Variants in DZANK1 observed in about 807,000 individuals in gnomAD.
DZANK1 encodes double zinc ribbon and ankyrin repeat-containing protein 1.
DZANK1 carries 91 observed loss-of-function variants against 94.5 expected under a neutral mutation model. The observed-to-expected ratio is 0.96, with a 90% CI of 0.81 to 1.15. The LOEUF is 1.15. Ranked by LOEUF, DZANK1 falls within the 50% of genes most tolerant of loss-of-function variation. The probability of loss-of-function intolerance (pLI) is 0.00; values close to 1 mark genes in which losing one functional copy is unlikely to be tolerated. For missense variants in DZANK1, 903 were observed against 916.4 expected, an observed-to-expected ratio of 0.99 and a Z score of 0.19; for synonymous variants, 312 against 325.3, an observed-to-expected ratio of 0.96 and a Z score of 0.44.
intron 8 of DZANK1, among the ~76,000 whole-genome samples, chr20:18,434,607 C>T (rs529699798): frequency 1.3e-5 from 2 of 149,168 alleles, no homozygotes; most frequent in Admixed American, 6.6e-5. Context: ...AAAGCAACCA[C>T]TTCAGCACCC....
intron 10 of DZANK1, among the ~76,000 whole-genome samples, chr20:18,418,252 G>A (rs1441816757): frequency 2.0e-5 from 3 of 152,088 alleles, no homozygotes; most frequent in East Asian, 1.9e-4. Flanking sequence ...CATGTGAAGC[G>A]GTGGGCACAA....
At chr20:18,452,873 T>C (rs1439797160) in intron 5 of DZANK1, 134 bp from the exon 6 acceptor site, 38 of 893,976 alleles carry the variant, frequency 4.3e-5, no homozygotes, top group Admixed American at 2.9e-4. Context: ...GTAACAATTA[T>C]ATAAAGAGCT....
exon 14 of DZANK1, chr20:18,398,565 G>T: frequency 1.2e-6 from 2 of 1,613,986 alleles, no homozygotes; most frequent in Non-Finnish European, 1.7e-6. Flanking sequence ...GGAATTCAGG[G>T]TTGTTCTGAG....
intron 6 of DZANK1, among the ~76,000 whole-genome samples, chr20:18,449,622 G>T (rs1471420276): frequency 6.6e-6 from 1 of 151,758 alleles, no homozygotes; most frequent in Non-Finnish European, 1.5e-5. Context: ...GCTGGGTGTG[G>T]TGGCGGGTGC....
intron 13 of DZANK1, among the ~76,000 whole-genome samples, chr20:18,400,977 C>A (rs1600771685): frequency 6.6e-6 from 1 of 152,170 alleles, no homozygotes; most frequent in East Asian, 1.9e-4. Flanking sequence ...GCTCTTGTCA[C>A]CCAGGCTGGA....
rs73902455 is a variant in DZANK1, at chr20:18,400,161, C to T, written c.1433-1535G>A. ...CCTAAGTGTTCTTACTTGGGTTCCC[C>T]TGAAAGCAGAACCTGAGATAAAGAC... On this transcript the variant is annotated intron_variant, in intron 13 of 20. Transcript: ENST00000262547. Among the ~76,000 whole-genome samples the T allele has an allele frequency of 7.3e-3, 1,116 of 152,284 alleles. 14 individuals are homozygous for T. Among genetic ancestry groups the T allele is most frequent in the African/African-American group, 0.026 (1,079 of 41,532 alleles).
chr20:18,405,216 A>G (rs1365139014), intron 13 of DZANK1, among the ~76,000 whole-genome samples: 2 of 152,198 alleles, frequency 1.3e-5, no homozygotes, highest in Non-Finnish European at 2.9e-5. Flanking sequence ...AAAATAAAAA[A>G]AGAAGGAAGA....
intron 15 of DZANK1, chr20:18,394,960 G>T (rs567056226): frequency 7.4e-5 from 33 of 446,084 alleles, no homozygotes; most frequent in African/African-American, 6.0e-4. Flanking sequence ...AGAAGTCTGT[G>T]TGCACCCGGA....
At chr20:18,439,971 G>A (rs1335094598) in intron 8 of DZANK1, among the ~76,000 whole-genome samples, 2 of 152,038 alleles carry the variant, frequency 1.3e-5, no homozygotes, top group Admixed American at 6.6e-5. Flanking sequence ...AGGTAATTAA[G>A]GTTAAATGAG....
intron 6 of DZANK1, among the ~76,000 whole-genome samples, chr20:18,450,093 T>C (rs1359892164): frequency 6.0e-4 from 72 of 119,352 alleles, no homozygotes; most frequent in Admixed American, 8.8e-4. Flanking sequence ...AATAAATAAA[T>C]AAATAAATAA....
chr20:18,414,317 G>A (rs1453388060), intron 12 of DZANK1, 31 bp downstream of exon 12: 4 of 1,611,358 alleles, frequency 2.5e-6, no homozygotes, highest in Non-Finnish European at 3.4e-6. Flanking sequence ...CTCTTCCTGG[G>A]TACCAGTTCT....
At chr20:18,384,930 A>G (rs2048391020) in intron 20 of DZANK1, 86 bp downstream of exon 20, 1 of 1,338,958 alleles carries the variant, frequency 7.5e-7, no homozygotes, top group African/African-American at 1.5e-5. Flanking sequence ...CAGTTCAGGA[A>G]CCAAGGCCCC....
intron 13 of DZANK1, among the ~76,000 whole-genome samples, chr20:18,400,151 T>C (rs2056592751): frequency 6.6e-6 from 1 of 152,214 alleles, no homozygotes; most frequent in African/African-American, 2.4e-5. Context: ...GTGTTCTTAC[T>C]TGGGTTCCCC....
At chr20:18,413,827 G>A (rs1600853002) in intron 12 of DZANK1, among the ~76,000 whole-genome samples, 1 of 152,038 alleles carries the variant, frequency 6.6e-6, no homozygotes, top group Admixed American at 6.6e-5. Flanking sequence ...AAAGTGCTGA[G>A]TGTATCCTCT....
chr20:18,451,999 T>A (rs747977386), intron 6 of DZANK1: 1 of 508,978 alleles, frequency 2.0e-6, no homozygotes, highest in Non-Finnish European at 3.9e-6. Context: ...AGAATAGAAT[T>A]CAAACTTCTT....
At chr20:18,418,853 A>G (rs184779212) in intron 10 of DZANK1, among the ~76,000 whole-genome samples, 2 of 152,382 alleles carry the variant, frequency 1.3e-5, no homozygotes, top group Admixed American at 1.3e-4. Flanking sequence ...AATATTTAAA[A>G]TAAAATATTT....
rs140689830 is a variant in DZANK1 at position 18,445,251 on chromosome 20, C to T, written c.630-1787G>A. 2.4e-3 allele frequency among the ~76,000 whole-genome samples: 366 copies of T among 152,228 alleles called. 5 individuals carry two copies. The highest frequency in any genetic ancestry group is 0.02 in the Admixed American group (308 of 15,280). The stretch of plus-strand genomic sequence containing the variant: ...TTAACAGAGTTAAAGAAGTTTATTT[C>T]ATAATGATAAAAGGGTCAACTTAGC... On this transcript the variant is annotated intron_variant, in intron 7 of 20. Transcript: ENST00000262547.
chr20:18,415,298 A>G (rs1343385545), intron 11 of DZANK1, 29 bp downstream of exon 11: 21 of 1,504,612 alleles, frequency 1.4e-5, no homozygotes, highest in Non-Finnish European at 1.9e-5. Context: ...GGTGCTCAGT[A>G]TACAGAATCT....
intron 13 of DZANK1, among the ~76,000 whole-genome samples, chr20:18,400,938 A>G (rs530198084): frequency 6.6e-6 from 1 of 152,092 alleles, no homozygotes; most frequent in East Asian, 1.9e-4. Flanking sequence ...CAATAGATCT[A>G]TACTTCTTTT....
Sources: allele counts gnomAD v4.1 joint callset (sites outside exome capture counted in the v4.1 genomes callset), GRCh38; gene constraint gnomAD v4.1.1; transcripts MANE v1.5; gene names NCBI Gene and HGNC (gene_info 2026-07-23, HGNC 2026-07-21).